COL6A5: variants seen among roughly 807,000 people sequenced by gnomAD.
COL6A5 encodes the protein collagen alpha-5(VI) chain.
In COL6A5, 48 loss-of-function variants were observed where a neutral mutation model predicts 65.6. That is an observed-to-expected ratio of 0.73 (90% CI 0.58 to 0.93). The LOEUF is 0.93. Ranked by LOEUF, COL6A5 falls within the 40% of genes least tolerant of loss-of-function variation. COL6A5 has a pLI of 0.00. For missense variants in COL6A5, 914 were observed against 928.3 expected (o/e 0.98, Z 0.20); for synonymous variants, 291 against 322.8 (o/e 0.90, Z 1.05).
rs760694232 is a variant in COL6A5 at position 130,385,006 on chromosome 3, T to C, written c.1503T>C (p.Asn501=). 17 of 1,550,724 alleles carry C rather than the reference T, an allele frequency of 1.1e-5. No individual in the cohort carries two copies. In the South Asian group the frequency reaches 1.9e-4, roughly 17 times the overall value. The change falls in exon 5 of 42, where the codon AAT becomes AAC. Residue 501 remains asparagine (N), a synonymous_variant and NMD_transcript_variant. Coordinates refer to the COL6A5 transcript ENST00000312481. ...AATTTTATATCACTGACTATTCTAA[T>C]GATATTGACTTAAGAAAGGCTATTT...
chr3:130,448,479 G>A (rs1395286167), intron 4 of COL6A5, among the ~76,000 whole-genome samples: 3 of 152,140 alleles, frequency 2.0e-5, no homozygotes, highest in Admixed American at 6.5e-5. Flanking sequence ...AGTTTTTAAA[G>A]AATCTCTCCT....
chr3:130,372,481 TACTC>T (rs1351988791), intron 1 of COL6A5, among the ~76,000 whole-genome samples: 3 of 152,076 alleles, frequency 2.0e-5, no homozygotes, highest in Non-Finnish European at 4.4e-5. Context: ...AATGGAATAT[TACTC>T]AGCCATAAAA....
intron 10 of COL6A5, among the ~76,000 whole-genome samples, chr3:130,400,633 A>G (rs1318596151): frequency 6.6e-6 from 1 of 152,198 alleles, no homozygotes; most frequent in Non-Finnish European, 1.5e-5. Context: ...TCATTAATGT[A>G]CATTCAGGAA....
chr3:130,399,370 C>CTTTT (rs34407199), intron 10 of COL6A5, among the ~76,000 whole-genome samples: 15 of 130,446 alleles, frequency 1.1e-4, no homozygotes, highest in Admixed American at 1.6e-4. Context: ...TCATTTCTTT[C>CTTTT]TTTTTTTTTT....
At position 130,376,977 on chromosome 3, in the gene COL6A5, G is replaced by A. The variant is rs114265933; in HGVS notation, c.667+141G>A. 3.4e-3 allele frequency: 3,148 copies of A among 937,226 alleles called. 55 individuals are homozygous for A. In the African/African-American group the frequency reaches 0.046, roughly 14 times the overall value. 58.1% of individuals were successfully genotyped at this position (937,226 alleles called of 1,614,324 possible). ...AAACTTCTACACATCATACCTACTC[G>A]CTTCTGCCTTTGCTTGTGCCATTTT... On this transcript the variant is annotated intron_variant and NMD_transcript_variant, in intron 3 of 41. Coordinates refer to the COL6A5 transcript ENST00000312481.
chr3:130,349,300 C>T (rs999601535), intron 1 of COL6A5, among the ~76,000 whole-genome samples: 1 of 152,176 alleles, frequency 6.6e-6, no homozygotes, highest in Non-Finnish European at 1.5e-5. Flanking sequence ...CACCGTAGTG[C>T]AATGGAAGAA....
Position 130,410,008 on chromosome 3 carries a change from G to A in COL6A5, c.4543-1G>A. The A allele has an allele frequency of 1.9e-6, 3 of 1,543,452 alleles. No individual in the cohort carries two copies. Among genetic ancestry groups the A allele is most frequent in the Non-Finnish European group, 2.6e-6 (3 of 1,140,424 alleles). On this transcript the variant is annotated splice_acceptor_variant and NMD_transcript_variant, in intron 18 of 41. Coordinates refer to the COL6A5 transcript ENST00000312481. ...AACTACTTTTAAAAATCTTTCTCTA[G>A]GGTAATCCAGGACAAAACAATAACA...
chr3:130,423,353 C>G (rs1358283014), intron 28 of COL6A5, among the ~76,000 whole-genome samples: 1 of 152,088 alleles, frequency 6.6e-6, no homozygotes, highest in Non-Finnish European at 1.5e-5. Flanking sequence ...TGGTCACCAT[C>G]AGTGTGAAAA....
At chr3:130,464,498 T>C (rs1407100301) in intron 5 of COL6A5, among the ~76,000 whole-genome samples, 2 of 151,868 alleles carry the variant, frequency 1.3e-5, no homozygotes, top group African/African-American at 4.8e-5. Flanking sequence ...AATACTGTAG[T>C]TGAAAAACAG....
intron 24 of COL6A5, among the ~76,000 whole-genome samples, chr3:130,417,249 G>T (rs545741074): frequency 6.6e-6 from 1 of 152,190 alleles, no homozygotes; most frequent in Admixed American, 6.5e-5. Flanking sequence ...CCATGTTCCT[G>T]CAGAGGACAT....
chr3:130,438,651 GT>G (rs1224569895), intron 1 of COL6A5, among the ~76,000 whole-genome samples: 1 of 152,156 alleles, frequency 6.6e-6, no homozygotes, highest in African/African-American at 2.4e-5. Flanking sequence ...AAAACAGAGG[GT>G]TTGGATTTTC....
At chr3:130,395,259 A>G in exon 8 of COL6A5, 2 of 1,551,696 alleles carry the variant, frequency 1.3e-6, no homozygotes, top group Non-Finnish European at 1.7e-6. Context: ...GATCCTCGCT[A>G]TGATGTGGCA....
At position 130,409,327 on chromosome 3, in the gene COL6A5, G is replaced by A; in HGVS notation, c.4481G>A (p.Gly1494Asp). ...AGAAATTCATTTCATTTTTTTCAGG[G>A]CAGCCCAGGTTCCAGAGGTGCCCCT... The change falls in exon 18 of 42, where the codon GGC becomes GAC. Residue 1494 changes from glycine to aspartate, a missense_variant and splice_region_variant and NMD_transcript_variant. Coordinates refer to the COL6A5 transcript ENST00000312481. 1 of 1,538,222 alleles carries A rather than the reference G, an allele frequency of 6.5e-7. No homozygotes were observed. Among genetic ancestry groups the A allele is most frequent in the South Asian group, 1.2e-5 (1 of 81,914 alleles).
At chr3:130,413,069 A>T (rs1225365073) in intron 20 of COL6A5, among the ~76,000 whole-genome samples, 1 of 152,026 alleles carries the variant, frequency 6.6e-6, no homozygotes, top group African/African-American at 2.4e-5. Flanking sequence ...CTGTTTAGGG[A>T]TAAGGAAGTT....
chr3:130,477,759 T>C (rs750566773), intron 7 of COL6A5, among the ~76,000 whole-genome samples: 5 of 152,216 alleles, frequency 3.3e-5, no homozygotes, highest in Non-Finnish European at 7.4e-5. Flanking sequence ...TAAATCAGAC[T>C]TCTTTAATAG....
chr3:130,394,025 G>A (rs1258867263), intron 7 of COL6A5, among the ~76,000 whole-genome samples: 7 of 152,148 alleles, frequency 4.6e-5, no homozygotes, highest in Non-Finnish European at 7.4e-5. Context: ...TTCTGTGACC[G>A]TGGGTAACCT....
At chr3:130,464,507 A>G (rs1709771020) in intron 5 of COL6A5, among the ~76,000 whole-genome samples, 1 of 148,526 alleles carries the variant, frequency 6.7e-6, no homozygotes, top group Non-Finnish European at 1.5e-5. Flanking sequence ...GTTGAAAAAC[A>G]GAGATCATGG....
chr3:130,464,529 G>A (rs1026902769), intron 5 of COL6A5, among the ~76,000 whole-genome samples: 4 of 152,024 alleles, frequency 2.6e-5, no homozygotes, highest in African/African-American at 9.7e-5. Flanking sequence ...AACATCTCAG[G>A]TAATGGTTAG....
At chr3:130,406,903 A>G (rs982355143) in intron 17 of COL6A5, among the ~76,000 whole-genome samples, 1 of 152,234 alleles carries the variant, frequency 6.6e-6, no homozygotes, top group Non-Finnish European at 1.5e-5. Flanking sequence ...TTGGCCAGGC[A>G]TATATTCTTA....
Sources: gnomAD v4.1 joint callset for allele counts (sites outside exome capture counted in the v4.1 genomes callset) on GRCh38, gnomAD v4.1.1 for gene constraint, MANE v1.5 for transcripts, NCBI Gene and HGNC (gene_info 2026-07-23, HGNC 2026-07-21) for gene names.